USH2A: variants seen among roughly 807,000 people sequenced by gnomAD.
USH2A encodes Usher syndrome 2A (autosomal recessive, mild).
A neutral mutation model predicts 538.9 loss-of-function variants in USH2A; 443 were observed. The observed-to-expected ratio is 0.82, with a 90% confidence interval of 0.76 to 0.89. USH2A has a LOEUF of 0.89. USH2A is among the 40% of genes least tolerant of loss of function. The probability of loss-of-function intolerance (pLI) is 0.00; values close to 1 mark genes in which losing one functional copy is unlikely to be tolerated. For synonymous variants in USH2A, 2,413 were observed against 2,273.5 expected, an observed-to-expected ratio of 1.06 and a Z score of -1.75; for missense variants, 6,633 against 6,324.8, an observed-to-expected ratio of 1.05 and a Z score of -1.65.
chr1:216,283,227 C>T (rs1322288768), intron 11 of USH2A, among the ~76,000 whole-genome samples: 1 of 152,082 alleles, frequency 6.6e-6, no homozygotes, highest in Non-Finnish European at 1.5e-5. Context: ...GCTGGGACTA[C>T]AGGCACCCAC....
intron 3 of USH2A, among the ~76,000 whole-genome samples, chr1:216,368,052 A>G (rs2038633652): frequency 6.6e-6 from 1 of 152,172 alleles, no homozygotes; most frequent in Non-Finnish European, 1.5e-5. Flanking sequence ...CCCCTTCATA[A>G]GAGATCCGAA....
intron 49 of USH2A, among the ~76,000 whole-genome samples, chr1:215,803,882 T>C (rs1309284293): frequency 6.6e-6 from 1 of 152,122 alleles, no homozygotes; most frequent in Non-Finnish European, 1.5e-5. Flanking sequence ...GACTTCAAAC[T>C]AGACTACAAG....
rs372543076 is a variant in USH2A at position 216,412,924 on chromosome 1, T to C, written c.651+5590A>G. Among the ~76,000 whole-genome samples the C allele has an allele frequency of 9.2e-5, 14 of 152,170 alleles. No homozygotes were observed. In the East Asian group the frequency reaches 2.5e-3, roughly 27 times the overall value. On this transcript the variant is annotated intron_variant, in intron 3 of 71. Transcript: ENST00000307340. ...GCACAGAGCTATTATTAACACTATA[T>C]TAAACATGTTACAAGCATGTCACTA...
intron 11 of USH2A, among the ~76,000 whole-genome samples, chr1:216,288,813 T>TA (rs1158313033): frequency 6.6e-6 from 1 of 152,132 alleles, no homozygotes; most frequent in Non-Finnish European, 1.5e-5. Context: ...TTTAAAATTA[T>TA]AAAAAATCCA....
rs2102621224 is a variant in USH2A, at chr1:215,625,791, G to T, written c.15599C>A (p.Thr5200Asn). 1 of 1,614,048 alleles carries T rather than the reference G, an allele frequency of 6.2e-7. No individual in the cohort carries two copies. Among genetic ancestry groups the T allele is most frequent in the Admixed American group, 1.7e-5 (1 of 60,008 alleles). ...VTKERTTFTD[T>N]HL is the part of the protein sequence containing the mutation. ...CTGGGTTTCCATCCTTTACAGGTGG[G>T]TGTCTGTGAATGTGGTGCGTTCCTT... The change falls in exon 72 of 72, where the codon ACC (threonine) becomes AAC (asparagine). Residue 5200 changes from threonine (T) to asparagine (N), a missense_variant. Physicochemically the swap from Thr to Asn is moderately conservative, Grantham distance 65. Transcript: ENST00000307340.
At chr1:215,844,102 T>C (rs906640373) in intron 46 of USH2A, among the ~76,000 whole-genome samples, 192 bp downstream of exon 46, 1 of 152,178 alleles carries the variant, frequency 6.6e-6, no homozygotes, top group Non-Finnish European at 1.5e-5. Context: ...TATCATTATC[T>C]TCTCTCCAGA....
intron 21 of USH2A, among the ~76,000 whole-genome samples, chr1:216,107,307 A>G (rs991559290): frequency 2.0e-5 from 3 of 151,496 alleles, no homozygotes; most frequent in Non-Finnish European, 4.4e-5. Context: ...GTATTTTGAA[A>G]CTCTATTACT....
intron 21 of USH2A, among the ~76,000 whole-genome samples, chr1:216,135,040 G>GA (rs1221697462): frequency 6.6e-6 from 1 of 151,950 alleles, no homozygotes; most frequent in Admixed American, 6.6e-5. Flanking sequence ...AGAAAGAGAT[G>GA]AAGTACTGAG....
rs1416892543 is a variant in USH2A at position 216,160,581 on chromosome 1, G to C, written c.4627+14671C>G. On this transcript the variant is annotated intron_variant, in intron 21 of 71. Coordinates refer to ENST00000307340, the MANE Select transcript of USH2A (RefSeq NM_206933.4). ...GAGCCCAGGGGTTCAAGACCAGCCTGAGCAACACAGTAAGACCTCGTCTCT... is the reference window on the plus strand; with the variant it reads ...GAGCCCAGGGGTTCAAGACCAGCCTCAGCAACACAGTAAGACCTCGTCTCT... Among the ~76,000 whole-genome samples, 3 of 148,984 alleles carry C rather than the reference G, an allele frequency of 2.0e-5. No homozygotes were observed. In the East Asian group the frequency reaches 6.1e-4, roughly 30 times the overall value.
chr1:216,266,292 C>T (rs1359374736), intron 11 of USH2A, among the ~76,000 whole-genome samples: 2 of 151,826 alleles, frequency 1.3e-5, no homozygotes, highest in East Asian at 3.9e-4. Context: ...ATTCAAATTC[C>T]AAAAATAAAA....
At chr1:215,958,678 A>G (rs1667127952) in intron 37 of USH2A, among the ~76,000 whole-genome samples, 1 of 152,054 alleles carries the variant, frequency 6.6e-6, no homozygotes, top group African/African-American at 2.4e-5. Context: ...TCCAGATGTT[A>G]CCACTGCAGT....
chr1:216,092,648 T>C (rs1232635819), intron 22 of USH2A, among the ~76,000 whole-genome samples: 1 of 152,136 alleles, frequency 6.6e-6, no homozygotes, highest in Non-Finnish European at 1.5e-5. Flanking sequence ...ATTTAGAAAA[T>C]ATGTTTAGTA....
At chr1:215,989,364 T>C (rs1667952129) in intron 35 of USH2A, among the ~76,000 whole-genome samples, 1 of 152,108 alleles carries the variant, frequency 6.6e-6, no homozygotes, top group African/African-American at 2.4e-5. Context: ...CCACATCTCA[T>C]AGGGAACCAC....
intron 69 of USH2A, among the ~76,000 whole-genome samples, chr1:215,638,363 TA>T (rs1656565900): frequency 6.6e-6 from 1 of 152,172 alleles, no homozygotes; most frequent in Non-Finnish European, 1.5e-5. Context: ...CTCACGCCTG[TA>T]ATTCCAACAC....
chr1:216,305,631 T>C (rs2037302516), intron 9 of USH2A, among the ~76,000 whole-genome samples: 2 of 152,130 alleles, frequency 1.3e-5, no homozygotes, highest in South Asian at 4.1e-4. Context: ...TTAAGGAGGT[T>C]GTATTCTGGT....
chr1:216,382,642 T>C lies in USH2A; in HGVS notation c.652-17557A>G, dbSNP rs55830931. 6.5e-3 allele frequency among the ~76,000 whole-genome samples: 988 copies of C among 152,304 alleles called. 12 individuals carry two copies. Among genetic ancestry groups the C allele is most frequent in the African/African-American group, 0.023 (949 of 41,568 alleles). ...TTTATAACTATGCATATGAAAATAGTACTAGGAGTCATGGTTGTGAGTAAG... is the reference window on the plus strand; with the variant it reads ...TTTATAACTATGCATATGAAAATAGCACTAGGAGTCATGGTTGTGAGTAAG... On this transcript the variant is annotated intron_variant, in intron 3 of 71. Transcript: ENST00000307340.
chr1:215,854,860 G>A (rs1448769838), intron 44 of USH2A, among the ~76,000 whole-genome samples: 1 of 152,162 alleles, frequency 6.6e-6, no homozygotes, highest in Non-Finnish European at 1.5e-5. Context: ...CAAAGAAAAG[G>A]GCAGATGGAG....
chr1:216,422,630 G>T (rs900883265), intron 1 of USH2A, 90 bp from the exon 2 acceptor site: 4 of 396,270 alleles, frequency 1.0e-5, no homozygotes, highest in Admixed American at 3.8e-5. Flanking sequence ...TGAGCTCCTA[G>T]AAGCAACACT....
At chr1:216,181,579 C>G (rs994286103) in intron 20 of USH2A, among the ~76,000 whole-genome samples, 2 of 152,050 alleles carry the variant, frequency 1.3e-5, no homozygotes, top group African/African-American at 4.8e-5. Flanking sequence ...ATAATTTGCA[C>G]AAAACTACCA....
Sources: allele counts gnomAD v4.1 joint callset (sites outside exome capture counted in the v4.1 genomes callset), GRCh38; gene constraint gnomAD v4.1.1; transcripts MANE v1.5; gene names NCBI Gene and HGNC (gene_info 2026-07-23, HGNC 2026-07-21).